Variants in DNAI3 observed in about 807,000 individuals in gnomAD.
DNAI3 encodes the protein dynein axonemal intermediate chain 3.
Under a neutral mutation model 115.5 loss-of-function variants are expected in DNAI3, and 83 were observed. That is an observed-to-expected ratio of 0.72 (90% CI 0.60 to 0.86). The LOEUF (loss-of-function observed/expected upper bound fraction) is 0.86. DNAI3 is among the 40% of genes least tolerant of loss of function. The pLI, the probability that DNAI3 is intolerant of heterozygous loss-of-function variation, is 0.00. For missense variants in DNAI3, 1,004 were observed against 1,075.8 expected (o/e 0.93, Z 0.93); for synonymous variants, 320 against 347.0 (o/e 0.92, Z 0.86).
At chr1:85,126,889 T>G (rs1342312944) in intron 20 of DNAI3, among the ~76,000 whole-genome samples, 174 bp downstream of exon 20, 2 of 152,172 alleles carry the variant, frequency 1.3e-5, no homozygotes, top group Non-Finnish European at 2.9e-5. Flanking sequence ...CTCTTCCCTT[T>G]CCTTCCCATC....
At chr1:85,123,687 T>G (rs907906038) in intron 18 of DNAI3, among the ~76,000 whole-genome samples, 2 of 152,242 alleles carry the variant, frequency 1.3e-5, no homozygotes, top group African/African-American at 4.8e-5. Context: ...CTTTTCACAA[T>G]TTTTACATTG....
chr1:85,099,325 A>G lies in DNAI3; in HGVS notation c.1479+667A>G, dbSNP rs1381128435. ...ATTCTGAGAAAATCACAAGCATTCTATACACCAATAACAGACAGAGAGCCA... is the reference window on the plus strand; with the variant it reads ...ATTCTGAGAAAATCACAAGCATTCTGTACACCAATAACAGACAGAGAGCCA... On this transcript the variant is annotated intron_variant, in intron 13 of 22. Transcript: ENST00000294664. 7.2e-6 allele frequency: 7 copies of G among 969,740 alleles called. No homozygotes were observed. In the South Asian group the frequency reaches 2.4e-4, roughly 33 times the overall value. The allele number at this position is 969,740 out of a possible 1,614,324, so 60.1% of individuals were successfully genotyped here. A position where few individuals can be genotyped will look rare whatever the true frequency, so the allele number is the denominator to read the frequency against.
chr1:85,073,195 T>C, intron 3 of DNAI3, 103 bp downstream of exon 3: 2 of 816,394 alleles, frequency 2.4e-6, no homozygotes, highest in Non-Finnish European at 3.6e-6. Context: ...TCAATCAAAA[T>C]GTACATGGGC....
At chr1:85,079,642 A>G (rs1399623131) in intron 3 of DNAI3, among the ~76,000 whole-genome samples, 1 of 152,052 alleles carries the variant, frequency 6.6e-6, no homozygotes. Context: ...GTTGTGGCTG[A>G]TGATAGTGAT....
intron 18 of DNAI3, 109 bp from the exon 19 acceptor site, chr1:85,124,012 C>A: frequency 7.0e-7 from 1 of 1,426,878 alleles, no homozygotes; most frequent in East Asian, 2.4e-5. Context: ...CTCCACTCCC[C>A]GACCCCATTC....
At chr1:85,083,153 G>A (rs781314694) in intron 5 of DNAI3, among the ~76,000 whole-genome samples, 28 of 152,088 alleles carry the variant, frequency 1.8e-4, no homozygotes, top group Non-Finnish European at 3.8e-4. Flanking sequence ...GGTTTGTGTG[G>A]CTGTCCAATA....
chr1:85,097,810 C>T (rs1655168694), intron 12 of DNAI3, among the ~76,000 whole-genome samples, 155 bp downstream of exon 12: 1 of 151,636 alleles, frequency 6.6e-6, no homozygotes, highest in African/African-American at 2.4e-5. Flanking sequence ...TGCTTGTGAA[C>T]ATGTTCTGAA....
chr1:85,087,071 C>A (rs553792638), intron 7 of DNAI3, among the ~76,000 whole-genome samples: 1 of 152,042 alleles, frequency 6.6e-6, no homozygotes, highest in Non-Finnish European at 1.5e-5. Context: ...ATAGAATGCT[C>A]TTCCCTTGTG....
intron 11 of DNAI3, 24 bp downstream of exon 11, chr1:85,096,044 C>CTATG (rs748854142): frequency 6.2e-7 from 1 of 1,604,446 alleles, no homozygotes; most frequent in Non-Finnish European, 8.5e-7. Flanking sequence ...TTTTTTTCAG[C>CTATG]TATGTATTAA....
chr1:85,093,399 C>T (rs1369050897), intron 8 of DNAI3, 59 bp from the exon 9 acceptor site: 1 of 1,492,056 alleles, frequency 6.7e-7, no homozygotes, highest in African/African-American at 1.4e-5. Context: ...CTAAGATAGT[C>T]ACATTATTGG....
At position 85,123,686 on chromosome 1, in the gene DNAI3, A is replaced by G. The variant is rs1469563992; in HGVS notation, c.1982-435A>G. Among the ~76,000 whole-genome samples the G allele has an allele frequency of 2.6e-5, 4 of 152,054 alleles. No homozygotes were observed. The East Asian group carries it at 7.7e-4, about 29-fold the overall frequency. ...TTTTTCCTTCACAACACTTTTCACA[A>G]TTTTTACATTGTATACTTTGGGATG... On this transcript the variant is annotated intron_variant, in intron 18 of 22. Coordinates refer to ENST00000294664, the MANE Select transcript of DNAI3 (RefSeq NM_145172.5).
chr1:85,103,874 G>A (rs564088914), intron 13 of DNAI3, among the ~76,000 whole-genome samples: 3 of 142,326 alleles, frequency 2.1e-5, no homozygotes, highest in South Asian at 4.7e-4. Flanking sequence ...GGCACAGAAT[G>A]AGATGCCTTC....
At chr1:85,126,362 A>G in intron 19 of DNAI3, 149 bp from the exon 20 acceptor site, 2 of 797,828 alleles carry the variant, frequency 2.5e-6, no homozygotes, top group South Asian at 2.1e-5. Context: ...AAAACCCTAC[A>G]ACAAAGAGAA....
intron 1 of DNAI3, among the ~76,000 whole-genome samples, chr1:85,070,448 G>T (rs1015880906): frequency 6.6e-6 from 1 of 151,620 alleles, no homozygotes; most frequent in Non-Finnish European, 1.5e-5. Context: ...TGCCTATTGC[G>T]CTCTGTGTCC....
At chr1:85,129,492 T>C (rs1453090784) in intron 21 of DNAI3, among the ~76,000 whole-genome samples, 1 of 151,172 alleles carries the variant, frequency 6.6e-6, no homozygotes, top group East Asian at 2.0e-4. Context: ...GGACCAGGAA[T>C]TCAGCTCTGC....
intron 13 of DNAI3, 148 bp downstream of exon 13, chr1:85,098,806 C>A (rs1401206681): frequency 1.7e-6 from 2 of 1,163,962 alleles, no homozygotes; most frequent in Non-Finnish European, 2.4e-6. Context: ...GTTACTGTTG[C>A]CAGACCAGTA....
At chr1:85,132,826 G>T in intron 22 of DNAI3, 29 bp from the exon 23 acceptor site, 2 of 1,527,834 alleles carry the variant, frequency 1.3e-6, no homozygotes, top group South Asian at 2.3e-5. Context: ...GTGTTTTATA[G>T]GGATGTCTTG....
chr1:85,125,926 A>C (rs895846775), intron 19 of DNAI3, among the ~76,000 whole-genome samples: 1 of 152,196 alleles, frequency 6.6e-6, no homozygotes, highest in African/African-American at 2.4e-5. Flanking sequence ...GAGAAAAGAG[A>C]AGATGATTGC....
chr1:85,093,890 G>C lies in DNAI3; in HGVS notation c.1048+242G>C, dbSNP rs1655053056. ...CAAAAGGACCCAAGCTCAACTCAGG[G>C]AAGTGACTCGCCCAGGTCACCCAGA... On this transcript the variant is annotated intron_variant, in intron 9 of 22. Transcript: ENST00000294664. The C allele has an allele frequency of 6.5e-6, 4 of 617,634 alleles. No individual in the cohort carries two copies. In the African/African-American group the frequency reaches 7.2e-5, roughly 11 times the overall value. The allele number at this position is 617,634 out of a possible 1,614,324, so 38.3% of individuals were successfully genotyped here.
Sources: allele counts gnomAD v4.1 joint callset (sites outside exome capture counted in the v4.1 genomes callset), GRCh38; gene constraint gnomAD v4.1.1; transcripts MANE v1.5; gene names NCBI Gene and HGNC (gene_info 2026-07-23, HGNC 2026-07-21).